PLXNA4: variants seen among roughly 807,000 people sequenced by gnomAD.
The protein encoded by PLXNA4 is plexin-A4.
Under a neutral mutation model 191.8 loss-of-function variants are expected in PLXNA4, and 44 were observed. That is an observed-to-expected ratio of 0.23 (90% confidence interval 0.18 to 0.29). The LOEUF (loss-of-function observed/expected upper bound fraction) is 0.29. Ranked by LOEUF, PLXNA4 falls within the 10% of genes least tolerant of loss-of-function variation. The probability of loss-of-function intolerance (pLI) is 1.00; values close to 1 mark genes in which losing one functional copy is unlikely to be tolerated. For missense variants in PLXNA4, 1,800 were observed against 2,488.8 expected (o/e 0.72, Z 5.89); for synonymous variants, 1,082 against 1,009.5 (o/e 1.07, Z -1.36).
In PLXNA4 at chr7:132,444,474, C is replaced by T. The variant is rs987214259; in HGVS notation, c.1371+44818G>A. On this transcript the variant is annotated intron_variant, in intron 3 of 31. Coordinates refer to ENST00000321063, the MANE Select transcript of PLXNA4 (RefSeq NM_020911.2). Reference sequence around the variant, plus strand: ...TTCACCACAATGGCCAGGCTGATCTCGAACTCTTGACCTCCCAAAGTGCTG... The same window carrying T: ...TTCACCACAATGGCCAGGCTGATCTTGAACTCTTGACCTCCCAAAGTGCTG... Among the ~76,000 whole-genome samples, 10 of 152,208 alleles carry T rather than the reference C, an allele frequency of 6.6e-5. No individual in the cohort carries two copies. The East Asian group carries it at 1.5e-3, about 23-fold the overall frequency.
chr7:132,471,620 G>C (rs1796937779), intron 3 of PLXNA4, among the ~76,000 whole-genome samples: 1 of 152,086 alleles, frequency 6.6e-6, no homozygotes, highest in South Asian at 2.1e-4. Flanking sequence ...AAATGGCCCT[G>C]GTTCCTTAAA....
At chr7:132,407,804 A>G (rs1409989048) in intron 3 of PLXNA4, among the ~76,000 whole-genome samples, 1 of 152,258 alleles carries the variant, frequency 6.6e-6, no homozygotes, top group Non-Finnish European at 1.5e-5. Context: ...GCTATGCCAC[A>G]GAACATGAAC....
In PLXNA4 at chr7:132,431,694, T is replaced by G. The variant is rs569294115; in HGVS notation, c.1371+57598A>C. Among the ~76,000 whole-genome samples the G allele has an allele frequency of 1.3e-4, 20 of 152,284 alleles. No individual in the cohort carries two copies. In the South Asian group the frequency reaches 1.5e-3, roughly 11 times the overall value. On this transcript the variant is annotated intron_variant, in intron 3 of 31. Transcript: ENST00000321063. ...GGCCTCTGACCTGCTAGGAACATGA[T>G]CAGCATCTTGGCAGAGAGAGCACAG...
At chr7:132,616,425 A>T (rs917196740) in intron 2 of PLXNA4, among the ~76,000 whole-genome samples, 1 of 152,222 alleles carries the variant, frequency 6.6e-6, no homozygotes, top group African/African-American at 2.4e-5. Context: ...CAAGGGCTGC[A>T]GGAGCCTTGT....
intron 3 of PLXNA4, among the ~76,000 whole-genome samples, chr7:132,482,625 G>A (rs1214283081): frequency 6.6e-5 from 10 of 151,990 alleles, no homozygotes; most frequent in South Asian, 6.2e-4. Context: ...CACGGCAATC[G>A]ATAACTAATA....
chr7:132,264,395 G>C (rs1584919223), intron 4 of PLXNA4: 1 of 152,224 alleles, frequency 6.6e-6, no homozygotes, highest in Non-Finnish European at 1.5e-5. Context: ...TTAGGGAGTA[G>C]TAGCAAATAA....
At chr7:132,359,616 G>A (rs1477688264) in intron 3 of PLXNA4, among the ~76,000 whole-genome samples, 2 of 152,098 alleles carry the variant, frequency 1.3e-5, no homozygotes, top group African/African-American at 2.4e-5. Context: ...AAAGAAAAAT[G>A]TATACCTAAG....
At chr7:132,602,202 C>T (rs1272049650) in intron 2 of PLXNA4, among the ~76,000 whole-genome samples, 1 of 152,206 alleles carries the variant, frequency 6.6e-6, no homozygotes, top group Non-Finnish European at 1.5e-5. Context: ...TTTTCAAGGT[C>T]AAAGACCACT....
intron 21 of PLXNA4, among the ~76,000 whole-genome samples, chr7:132,173,617 G>A (rs1182887669): frequency 6.6e-6 from 1 of 152,154 alleles, no homozygotes; most frequent in African/African-American, 2.4e-5. Context: ...ATGCCCCTCT[G>A]GACTTCTCAC....
rs184888018 is a variant in PLXNA4 at position 132,381,270 on chromosome 7, A to T, written c.1372-83048T>A. 2.5e-3 allele frequency among the ~76,000 whole-genome samples: 382 copies of T among 152,326 alleles called. 1 individual carries two copies. Among genetic ancestry groups the T allele is most frequent in the African/African-American group, 8.7e-3 (363 of 41,568 alleles). On this transcript the variant is annotated intron_variant, in intron 3 of 31. Transcript: ENST00000321063. ...AGGCAGAGACAGGACTCAAACTCAC[A>T]TCTGCAATCTGATCTTGTCCCTTCT...
At chr7:132,245,980 G>A (rs574473945) in intron 4 of PLXNA4, among the ~76,000 whole-genome samples, 1 of 152,328 alleles carries the variant, frequency 6.6e-6, no homozygotes, top group African/African-American at 2.4e-5. Flanking sequence ...CTTTCTGTTT[G>A]AGCAAATGAA....
At chr7:132,377,486 G>C (rs979679795) in intron 3 of PLXNA4, among the ~76,000 whole-genome samples, 5 of 151,732 alleles carry the variant, frequency 3.3e-5, no homozygotes, top group Non-Finnish European at 7.4e-5. Context: ...CAACTCCTCT[G>C]TTCCCCTGTG....
At chr7:132,479,991 A>C (rs1797276482) in intron 3 of PLXNA4, among the ~76,000 whole-genome samples, 2 of 152,100 alleles carry the variant, frequency 1.3e-5, no homozygotes, top group African/African-American at 4.8e-5. Flanking sequence ...GTTTGACTAT[A>C]TAAAGAACTA....
At chr7:132,286,582 C>T (rs887403162) in intron 4 of PLXNA4, among the ~76,000 whole-genome samples, 1 of 152,174 alleles carries the variant, frequency 6.6e-6, no homozygotes, top group African/African-American at 2.4e-5. Flanking sequence ...CTCACCCACC[C>T]CTGCTCTACC....
chr7:132,312,815 G>A (rs776763680), intron 3 of PLXNA4, among the ~76,000 whole-genome samples: 1 of 152,170 alleles, frequency 6.6e-6, no homozygotes, highest in African/African-American at 2.4e-5. Context: ...TGAGTTAGTA[G>A]ATGAAAAGCA....
intron 4 of PLXNA4, among the ~76,000 whole-genome samples, chr7:132,283,972 G>T (rs1800585408): frequency 6.6e-6 from 1 of 152,202 alleles, no homozygotes; most frequent in Admixed American, 6.5e-5. Context: ...CCCAGGAGGA[G>T]CCCAGCGTGT....
chr7:132,310,358 G>C (rs1334667391), intron 3 of PLXNA4, among the ~76,000 whole-genome samples: 1 of 152,240 alleles, frequency 6.6e-6, no homozygotes, highest in Non-Finnish European at 1.5e-5. Flanking sequence ...TGATGCTGAT[G>C]ATGGTGTAGC....
chr7:132,148,144 T>C, intron 26 of PLXNA4, 145 bp from the exon 27 acceptor site: 1 of 1,260,812 alleles, frequency 7.9e-7, no homozygotes. Flanking sequence ...CAGCTTTCCT[T>C]GGAGCAGAAC....
intron 2 of PLXNA4, among the ~76,000 whole-genome samples, chr7:132,587,117 A>T (rs543973182): frequency 1.8e-4 from 26 of 143,302 alleles, no homozygotes; most frequent in African/African-American, 5.9e-4. Context: ...AAGGCCCCAC[A>T]CTTTCAGCAC....
Sources: gnomAD v4.1 joint callset for allele counts (sites outside exome capture counted in the v4.1 genomes callset) on GRCh38, gnomAD v4.1.1 for gene constraint, MANE v1.5 for transcripts, NCBI Gene and HGNC (gene_info 2026-07-23, HGNC 2026-07-21) for gene names.